Variants in SRRM4 observed in about 807,000 individuals in gnomAD.
The protein encoded by SRRM4 is serine/arginine repetitive matrix 4.
In SRRM4, 33 loss-of-function variants were observed where a neutral mutation model predicts 68.9. That is an observed-to-expected ratio of 0.48 (90% CI 0.36 to 0.64). The LOEUF is 0.64. SRRM4 is among the 30% of genes least tolerant of loss of function. The pLI is 0.00. For synonymous variants in SRRM4, 318 were observed against 318.8 expected, an observed-to-expected ratio of 1.00 and a Z score of 0.03; for missense variants, 817 against 827.1, an observed-to-expected ratio of 0.99 and a Z score of 0.15.
chr12:119,133,524 G>T (rs1338157658), intron 8 of SRRM4, among the ~76,000 whole-genome samples: 1 of 152,186 alleles, frequency 6.6e-6, no homozygotes, highest in Non-Finnish European at 1.5e-5. Context: ...ACTTAAGGTT[G>T]CCTGGCTCCT....
chr12:119,115,090 T>C (rs1039971126), intron 3 of SRRM4, among the ~76,000 whole-genome samples: 4 of 151,936 alleles, frequency 2.6e-5, no homozygotes, highest in African/African-American at 2.4e-5. Flanking sequence ...CAGGAAAGCA[T>C]TATTATTCCC....
chr12:119,013,504 A>G (rs576092386), intron 1 of SRRM4, among the ~76,000 whole-genome samples: 4 of 152,256 alleles, frequency 2.6e-5, no homozygotes, highest in African/African-American at 7.2e-5. Context: ...CTTCATCTTA[A>G]CTTTGTACTC....
intron 2 of SRRM4, among the ~76,000 whole-genome samples, chr12:119,105,631 T>C (rs1954103147): frequency 6.6e-6 from 1 of 152,246 alleles, no homozygotes; most frequent in Admixed American, 6.5e-5. Context: ...TTGAGAAGTG[T>C]CTGTTCATAT....
chr12:119,054,728 G>A (rs1953766214), intron 1 of SRRM4, among the ~76,000 whole-genome samples: 1 of 152,198 alleles, frequency 6.6e-6, no homozygotes, highest in South Asian at 2.1e-4. Flanking sequence ...CTAGAGCAAT[G>A]TCATCCCTGT....
intron 1 of SRRM4, among the ~76,000 whole-genome samples, chr12:118,991,042 T>C (rs965974306): frequency 3.3e-5 from 5 of 152,134 alleles, no homozygotes; most frequent in African/African-American, 1.2e-4. Flanking sequence ...TGACCTCAGG[T>C]GATCCACCCT....
At chr12:119,130,327 G>T (rs1017680983) in intron 7 of SRRM4, among the ~76,000 whole-genome samples, 2 of 151,514 alleles carry the variant, frequency 1.3e-5, no homozygotes, top group African/African-American at 4.9e-5. Context: ...TGGAGGGATG[G>T]ATGGATACAT....
intron 1 of SRRM4, among the ~76,000 whole-genome samples, chr12:119,081,371 G>A (rs1312897737): frequency 1.3e-5 from 2 of 152,194 alleles, no homozygotes; most frequent in African/African-American, 2.4e-5. Flanking sequence ...AAGTAAGGAA[G>A]TTGTAGCTAT....
chr12:119,099,487 G>A (rs533429594), intron 1 of SRRM4, among the ~76,000 whole-genome samples: 60 of 152,246 alleles, frequency 3.9e-4, no homozygotes, highest in African/African-American at 1.3e-3. Context: ...CTTCTGCCTA[G>A]GGCACACTTC....
At chr12:119,038,207 CT>C (rs34123754) in intron 1 of SRRM4, among the ~76,000 whole-genome samples, 46 of 142,490 alleles carry the variant, frequency 3.2e-4, no homozygotes, top group East Asian at 1.0e-3. Flanking sequence ...AAATTAAAAA[CT>C]TTTTTTTTTT....
intron 1 of SRRM4, chr12:118,989,675 A>G (rs1342483759): frequency 2.0e-5 from 3 of 152,232 alleles, no homozygotes; most frequent in African/African-American, 7.2e-5. Context: ...AAATACAGGA[A>G]CAATGCCGAA....
In SRRM4 at chr12:119,156,777, C is replaced by T; in HGVS notation, c.1815C>T (p.Ser605=). 6.5e-7 allele frequency: 1 copy of T among 1,540,296 alleles called. No individual in the cohort carries two copies. ...GCCGGAGCTACAGCTCAGCAGACAG[C>T]TACTCCAGCACGAGGCGCTAAGTGC... ...SQSRSYSSAD[S]YSSTRR is the part of the protein sequence containing the mutation. Residue 605 remains serine (S), a synonymous_variant, in exon 13 of 13, where the codon AGC becomes AGT. Transcript: ENST00000267260.
intron 1 of SRRM4, among the ~76,000 whole-genome samples, chr12:119,054,385 G>A (rs895284999): frequency 1.3e-5 from 2 of 152,088 alleles, no homozygotes; most frequent in African/African-American, 4.8e-5. Flanking sequence ...AGTGAGGTGG[G>A]GAATATTATT....
chr12:119,076,209 AT>A (rs1953915218), intron 1 of SRRM4, among the ~76,000 whole-genome samples: 1 of 152,192 alleles, frequency 6.6e-6, no homozygotes, highest in African/African-American at 2.4e-5. Flanking sequence ...GACAGCTGCC[AT>A]TTATTGAGGG....
rs751560436 is a variant in SRRM4 at position 119,154,296 on chromosome 12, G to A, written c.1445G>A (p.Arg482Gln). 1.9e-6 allele frequency: 3 copies of A among 1,611,522 alleles called. No individual in the cohort carries two copies. Among genetic ancestry groups the A allele is most frequent in the South Asian group, 1.1e-5 (1 of 90,510 alleles). The change falls in exon 12 of 13, where the codon CGA (arginine) becomes CAA (glutamine). Residue 482 changes from arginine (R) to glutamine (Q), a missense_variant. Coordinates refer to ENST00000267260, the MANE Select transcript of SRRM4 (RefSeq NM_194286.4). This position sits in a 1 kb window ranked among gnomAD's most constrained non-coding sequence, Gnocchi z 4.7. The part of the protein sequence containing the change: ...EKDSQQRERE[R>Q]ARRRRRSYSP... ...GACTCGCAGCAGCGGGAGCGCGAGCGAGCGCGTCGGAGACGTCGGTCCTAC... is the reference window on the plus strand; with the variant it reads ...GACTCGCAGCAGCGGGAGCGCGAGCAAGCGCGTCGGAGACGTCGGTCCTAC...
rs1954075846 is a variant in SRRM4, at chr12:119,101,197, G to A, written c.132-1039G>A. 2.0e-5 allele frequency among the ~76,000 whole-genome samples: 3 copies of A among 152,168 alleles called. 1 individual carries two copies. The highest frequency in any genetic ancestry group is 2.0e-4 in the Admixed American group (3 of 15,268). On this transcript the variant is annotated intron_variant, in intron 1 of 12. Coordinates refer to ENST00000267260, the MANE Select transcript of SRRM4 (RefSeq NM_194286.4). ...GACATGGGGTCTGAAGGCAGGGTGA[G>A]CAGGGAGGGATGTTCTCTGCGTGTC...
chr12:119,012,701 T>C (rs1041910838), intron 1 of SRRM4, among the ~76,000 whole-genome samples: 2 of 152,214 alleles, frequency 1.3e-5, no homozygotes, highest in African/African-American at 4.8e-5. Flanking sequence ...TCTATCCTTG[T>C]TCTTTAACCC....
At chr12:119,135,292 A>G (rs1954321203) in intron 8 of SRRM4, among the ~76,000 whole-genome samples, 1 of 152,174 alleles carries the variant, frequency 6.6e-6, no homozygotes. Flanking sequence ...GAGGAATTCT[A>G]GAAGGAGGCT....
intron 1 of SRRM4, among the ~76,000 whole-genome samples, chr12:118,994,694 C>A (rs1953338294): frequency 6.6e-6 from 1 of 152,210 alleles, no homozygotes; most frequent in Non-Finnish European, 1.5e-5. Context: ...AGCTGTGCGA[C>A]CTTCAGCAAA....
chr12:118,998,483 C>G (rs1484092377), intron 1 of SRRM4, among the ~76,000 whole-genome samples: 1 of 152,118 alleles, frequency 6.6e-6, no homozygotes, highest in Non-Finnish European at 1.5e-5. Flanking sequence ...CTTTCCCCCA[C>G]CTGGAAGGGG....
Sources: gnomAD v4.1 joint callset for allele counts (sites outside exome capture counted in the v4.1 genomes callset) on GRCh38, gnomAD v4.1.1 for gene constraint, Gnocchi (gnomAD v3.1) non-coding constraint, MANE v1.5 for transcripts, NCBI Gene and HGNC (gene_info 2026-07-23, HGNC 2026-07-21) for gene names.